Variants in ELAPOR1 observed in about 807,000 individuals in gnomAD.
ELAPOR1 encodes the protein endosome/lysosome-associated apoptosis and autophagy regulator 1.
A neutral mutation model predicts 119.7 loss-of-function variants in ELAPOR1; 77 were observed. That is an observed-to-expected ratio of 0.64 (90% CI 0.54 to 0.78). The LOEUF (loss-of-function observed/expected upper bound fraction) is 0.78. Among genes scored for constraint, ELAPOR1 ranks in the 30% least tolerant of loss-of-function variants. The pLI is 0.00. For missense variants in ELAPOR1, 1,115 were observed against 1,270.4 expected, an observed-to-expected ratio of 0.88 and a Z score of 1.86; for synonymous variants, 481 against 487.2, an observed-to-expected ratio of 0.99 and a Z score of 0.17.
chr1:109,179,136 C>T (rs1381178425), intron 7 of ELAPOR1, among the ~76,000 whole-genome samples: 1 of 150,848 alleles, frequency 6.6e-6, no homozygotes. Context: ...CGCAGTGGCT[C>T]ACACCTGTAA....
intron 3 of ELAPOR1, among the ~76,000 whole-genome samples, chr1:109,166,935 C>T (rs1024052117): frequency 6.6e-6 from 1 of 152,168 alleles, no homozygotes; most frequent in Non-Finnish European, 1.5e-5. Context: ...TTTCCCATTC[C>T]TATACTTAAA....
At chr1:109,126,343 C>G (rs1211416605) in intron 1 of ELAPOR1, among the ~76,000 whole-genome samples, 1 of 152,102 alleles carries the variant, frequency 6.6e-6, no homozygotes, top group Non-Finnish European at 1.5e-5. Flanking sequence ...AGTGCAAGGC[C>G]AGGTACAGTG....
chr1:109,118,467 A>G (rs1648166969), intron 1 of ELAPOR1, among the ~76,000 whole-genome samples: 1 of 152,216 alleles, frequency 6.6e-6, no homozygotes, highest in African/African-American at 2.4e-5. Flanking sequence ...AGCATGGTTG[A>G]GGTGGGCCAA....
At chr1:109,195,976 T>C (rs1324794793) in intron 15 of ELAPOR1, among the ~76,000 whole-genome samples, 3 of 152,148 alleles carry the variant, frequency 2.0e-5, no homozygotes, top group Non-Finnish European at 4.4e-5. Flanking sequence ...GTCAACATGG[T>C]GAAACCCTGT....
intron 21 of ELAPOR1, among the ~76,000 whole-genome samples, chr1:109,202,100 TA>T (rs1273552589): frequency 3.3e-5 from 5 of 152,100 alleles, no homozygotes; most frequent in African/African-American, 1.2e-4. Context: ...ACCCTGTCTC[TA>T]AAAAACATGT....
Position 109,200,888 on chromosome 1 carries a change from A to T in ELAPOR1, c.2961A>T (p.Ser987=). 6.2e-7 allele frequency: 1 copy of T among 1,613,894 alleles called. No individual in the cohort carries two copies. The highest frequency in any genetic ancestry group is 8.5e-7 in the Non-Finnish European group (1 of 1,179,908). ...SKKSLFGKIK[S]FTSKRTPDGF... is the part of the protein sequence containing the mutation. ...AGTCACTCTTTGGGAAGATCAAATC[A>T]TTTACCTCCAAGGTAGGGGTCCTGG... is the stretch of plus-strand genomic sequence containing the variant. The change falls in exon 21 of 22, where the codon TCA becomes TCT. Residue 987 remains serine (S), a synonymous_variant. Coordinates refer to ENST00000369939, the MANE Select transcript of ELAPOR1 (RefSeq NM_020775.5).
At chr1:109,195,997 A>G (rs1653771311) in intron 15 of ELAPOR1, among the ~76,000 whole-genome samples, 1 of 152,140 alleles carries the variant, frequency 6.6e-6, no homozygotes. Flanking sequence ...TTCTACTAAA[A>G]ATACAAAAAT....
In ELAPOR1 at chr1:109,206,549, T is replaced by C. The variant is rs573674526; in HGVS notation, c.*3537T>C. 6.6e-6 allele frequency: 1 copy of C among 152,228 alleles called. No homozygotes were observed. The highest frequency in any genetic ancestry group is 1.5e-5 in the Non-Finnish European group (1 of 68,044). 9.4% of individuals were successfully genotyped at this position (152,228 alleles called of 1,614,324 possible). On this transcript the variant is annotated 3_prime_UTR_variant, in exon 22 of 22. Transcript: ENST00000369939. The stretch of plus-strand genomic sequence containing the variant: ...AGTAGGGTTTTTGCTTTTGTTTTTG[T>C]TTTAGTGCCAACAAAACTTTTTTTT...
Position 109,203,099 on chromosome 1 carries a change from C to A in ELAPOR1, c.*87C>A. 1 of 819,446 alleles carries A rather than the reference C, an allele frequency of 1.2e-6. No homozygotes were observed. The highest frequency in any genetic ancestry group is 2.1e-6 in the Non-Finnish European group (1 of 483,632). The allele number at this position is 819,446 out of a possible 1,614,324, so 50.8% of individuals were successfully genotyped here. ...ATTTGGGTGCCAGCATCCTGCAACACCCACTGCTGGAAATCTCTTCATTGT... is the reference window on the plus strand; with the variant it reads ...ATTTGGGTGCCAGCATCCTGCAACAACCACTGCTGGAAATCTCTTCATTGT... On this transcript the variant is annotated 3_prime_UTR_variant, in exon 22 of 22. Coordinates refer to ENST00000369939, the MANE Select transcript of ELAPOR1 (RefSeq NM_020775.5).
chr1:109,123,874 C>T (rs935076271), intron 1 of ELAPOR1, among the ~76,000 whole-genome samples: 1 of 151,826 alleles, frequency 6.6e-6, no homozygotes, highest in South Asian at 2.1e-4. Context: ...ACGATCTTGG[C>T]CCACTGCAAC....
At chr1:109,141,338 G>C (rs1649812991) in intron 1 of ELAPOR1, among the ~76,000 whole-genome samples, 1 of 151,978 alleles carries the variant, frequency 6.6e-6, no homozygotes, top group Non-Finnish European at 1.5e-5. Flanking sequence ...TTGGCTCACT[G>C]CAAGCTCTGC....
chr1:109,156,781 C>T (rs1650899608), intron 1 of ELAPOR1, among the ~76,000 whole-genome samples: 1 of 152,136 alleles, frequency 6.6e-6, no homozygotes, highest in African/African-American at 2.4e-5. Flanking sequence ...GGCTAAATGT[C>T]TTCATCCCCC....
chr1:109,190,172 G>T (rs984072932), intron 11 of ELAPOR1, among the ~76,000 whole-genome samples: 1 of 152,074 alleles, frequency 6.6e-6, no homozygotes, highest in Non-Finnish European at 1.5e-5. Flanking sequence ...TGGCAGTGTG[G>T]TGTGGTGGAA....
At chr1:109,189,736 C>T in intron 11 of ELAPOR1, 54 bp downstream of exon 11, 1 of 1,402,204 alleles carries the variant, frequency 7.1e-7, no homozygotes, top group Non-Finnish European at 1.0e-6. Context: ...TATCCGAATC[C>T]CACGTATTTT....
intron 1 of ELAPOR1, among the ~76,000 whole-genome samples, chr1:109,121,762 C>G (rs1648432763): frequency 1.3e-5 from 2 of 150,170 alleles, no homozygotes; most frequent in African/African-American, 5.0e-5. Context: ...GTCTTCTTTG[C>G]CTGTGTATTA....
chr1:109,147,671 G>A (rs560380634), intron 1 of ELAPOR1, among the ~76,000 whole-genome samples: 1 of 152,134 alleles, frequency 6.6e-6, no homozygotes, highest in East Asian at 1.9e-4. Context: ...CACTCTGGTG[G>A]GGGATGTTGG....
intron 15 of ELAPOR1, among the ~76,000 whole-genome samples, chr1:109,196,309 T>C (rs1238385756): frequency 6.6e-6 from 1 of 152,220 alleles, no homozygotes; most frequent in African/African-American, 2.4e-5. Flanking sequence ...AGAAATAAAC[T>C]AATCTATGAA....
At chr1:109,183,798 G>A (rs1652890006) in intron 7 of ELAPOR1, among the ~76,000 whole-genome samples, 1 of 151,990 alleles carries the variant, frequency 6.6e-6, no homozygotes, top group Non-Finnish European at 1.5e-5. Context: ...TGTATTTTTT[G>A]TAGAGACAGG....
intron 1 of ELAPOR1, among the ~76,000 whole-genome samples, chr1:109,141,701 C>T (rs1649838017): frequency 6.6e-6 from 1 of 151,650 alleles, no homozygotes; most frequent in African/African-American, 2.4e-5. Flanking sequence ...GAGACTTGCT[C>T]TGTGCCCAGG....
Sources: gnomAD v4.1 joint callset for allele counts (sites outside exome capture counted in the v4.1 genomes callset) on GRCh38, gnomAD v4.1.1 for gene constraint, MANE v1.5 for transcripts, NCBI Gene and HGNC (gene_info 2026-07-23, HGNC 2026-07-21) for gene names.